Variants in CDC25C observed in about 807,000 individuals in gnomAD.
CDC25C encodes the protein cell division cycle 25C.
Under a neutral mutation model 52.5 loss-of-function variants are expected in CDC25C, and 48 were observed. The ratio of observed to expected loss-of-function variants is 0.91; its 90% CI spans 0.72 to 1.16. The LOEUF (loss-of-function observed/expected upper bound fraction) is 1.16, where lower values mean the gene tolerates loss of function less well. Ranked by LOEUF, CDC25C falls within the 50% of genes most tolerant of loss-of-function variation. The pLI is 0.00. For synonymous variants in CDC25C, 187 were observed against 206.5 expected (o/e 0.91, Z 0.81); for missense variants, 510 against 566.1 (o/e 0.90, Z 1.01).
chr5:138,292,480 CAAAAAAA>C (rs70982703), intron 7 of CDC25C, among the ~76,000 whole-genome samples: 1 of 63,524 alleles, frequency 1.6e-5, no homozygotes, highest in Admixed American at 2.0e-4. Flanking sequence ...GTTATGTGAC[CAAAAAAA>C]AAAAAAAAAA....
Position 138,285,450 on chromosome 5 carries a change from C to A in CDC25C, c.*242G>T. ...AAAAGGAATGCCAGAGTTCCCTGAA[C>A]CAATACAAATCTCTATGCAACTCAA... On this transcript the variant is annotated 3_prime_UTR_variant, in exon 14 of 14. Coordinates refer to ENST00000323760, the MANE Select transcript of CDC25C (RefSeq NM_001790.5). 2 of 490,746 alleles carry A rather than the reference C, an allele frequency of 4.1e-6. No homozygotes were observed. The highest frequency in any genetic ancestry group is 3.6e-6 in the Non-Finnish European group (1 of 275,292). 30.4% of individuals were successfully genotyped at this position (490,746 alleles called of 1,614,324 possible).
At chr5:138,297,702 T>C (rs139547420) in intron 7 of CDC25C, among the ~76,000 whole-genome samples, 70 of 152,256 alleles carry the variant, frequency 4.6e-4, no homozygotes, top group African/African-American at 1.6e-3. Flanking sequence ...CTAGGTGACA[T>C]AGCAATGAAC....
At chr5:138,310,555 T>G (rs1414928196) in intron 7 of CDC25C, among the ~76,000 whole-genome samples, 1 of 152,220 alleles carries the variant, frequency 6.6e-6, no homozygotes. Context: ...AATTAAGCAC[T>G]TACACTACAC....
At chr5:138,338,182 C>T in exon 1 of CDC25C, 2 of 1,288,796 alleles carry the variant, frequency 1.6e-6, no homozygotes, top group African/African-American at 1.5e-5. Flanking sequence ...TTCTGCGAGC[C>T]GGAGCTGTCC....
At position 138,325,869 on chromosome 5, in the gene CDC25C, G is replaced by A. The variant is rs1163169717; in HGVS notation, c.405C>T (p.Asp135=). Reference sequence around the variant, plus strand: ...TTGCATCTCTCTTTCTATGGCCACGGTCCAAACCATTCGGAGTGCTACAAA... The same window carrying A: ...TTGCATCTCTCTTTCTATGGCCACGATCCAAACCATTCGGAGTGCTACAAA... ...QLLCSTPNGL[D]RGHRKRDAMC... is the part of the protein sequence containing the mutation. Residue 135 remains aspartate, a synonymous_variant, in exon 6 of 14, where the codon GAC becomes GAT. Coordinates refer to ENST00000323760, the MANE Select transcript of CDC25C (RefSeq NM_001790.5). 2 of 1,614,070 alleles carry A rather than the reference G, an allele frequency of 1.2e-6. No homozygotes were observed. The highest frequency in any genetic ancestry group is 4.5e-5 in the East Asian group (2 of 44,890).
intron 7 of CDC25C, among the ~76,000 whole-genome samples, chr5:138,297,388 C>A (rs187161152): frequency 3.4e-4 from 52 of 152,150 alleles, no homozygotes; most frequent in African/African-American, 1.3e-3. Flanking sequence ...TACAGGCAGC[C>A]CCTACACTAG....
chr5:138,300,771 G>C (rs1757572317), intron 7 of CDC25C, among the ~76,000 whole-genome samples: 1 of 151,914 alleles, frequency 6.6e-6, no homozygotes, highest in East Asian at 1.9e-4. Context: ...GCACCTAAAA[G>C]GATTTAAGTC....
intron 4 of CDC25C, among the ~76,000 whole-genome samples, chr5:138,327,985 A>G (rs935452243): frequency 7.2e-5 from 11 of 151,826 alleles, no homozygotes; most frequent in African/African-American, 2.4e-4. Flanking sequence ...TCCTACCTCA[A>G]CCTCCGAAGT....
intron 6 of CDC25C, among the ~76,000 whole-genome samples, chr5:138,324,898 G>A (rs953859340): frequency 1.3e-5 from 2 of 151,912 alleles, no homozygotes; most frequent in African/African-American, 2.4e-5. Flanking sequence ...ACAAAACCCC[G>A]TCTCTACTAA....
intron 7 of CDC25C, among the ~76,000 whole-genome samples, chr5:138,298,051 T>C (rs755458926): frequency 9.3e-5 from 14 of 150,662 alleles, no homozygotes; most frequent in Admixed American, 6.0e-4. Flanking sequence ...CAGGCTGGAG[T>C]GCAGTGGCAT....
At position 138,326,352 on chromosome 5, in the gene CDC25C, A is replaced by AT. The variant is rs944308316; in HGVS notation, c.336-299dup. ...TTTCCAGCACAGTGTATTGGGGCTA[A>AT]TTTTTTTTTTTTGAGACGGAATCTG... On this transcript the variant is annotated intron_variant, in intron 4 of 13. Coordinates refer to ENST00000323760, the MANE Select transcript of CDC25C (RefSeq NM_001790.5). Among the ~76,000 whole-genome samples, 156 of 147,268 alleles carry AT rather than the reference A, an allele frequency of 1.1e-3. 1 individual carries two copies. Among genetic ancestry groups the AT allele is most frequent in the Non-Finnish European group, 1.2e-3 (80 of 66,338 alleles).
At chr5:138,287,334 C>G (rs1045451088) in intron 10 of CDC25C, 67 bp from the exon 11 acceptor site, 11 of 1,091,204 alleles carry the variant, frequency 1.0e-5, no homozygotes, top group Non-Finnish European at 1.4e-5. Context: ...GTCAATGACA[C>G]AGTTCCTTAC....
At position 138,289,555 on chromosome 5, in the gene CDC25C, C is replaced by T. The variant is rs1308164686; in HGVS notation, c.873G>A (p.Ala291=). The T allele has an allele frequency of 1.1e-5, 17 of 1,612,744 alleles. No individual in the cohort carries two copies. Among genetic ancestry groups the T allele is most frequent in the African/African-American group, 1.3e-5 (1 of 74,872 alleles). Residue 291 remains alanine, a synonymous_variant, in exon 10 of 14, where the codon GCG becomes GCA. Coordinates refer to ENST00000323760, the MANE Select transcript of CDC25C (RefSeq NM_001790.5). ...GGTGTTTCCCTGACACGGTTGGCAG[C>T]GCACATACCTAGAAATACACAAGAG... The part of the protein sequence containing the change: ...HLIGDFSKVC[A]LPTVSGKHQD...
chr5:138,287,446 C>T (rs1447418350), intron 10 of CDC25C, among the ~76,000 whole-genome samples, 179 bp from the exon 11 acceptor site: 3 of 152,160 alleles, frequency 2.0e-5, no homozygotes, highest in Middle Eastern at 3.2e-3. Flanking sequence ...GAGAATGAAA[C>T]AGGAAGTGGC....
intron 7 of CDC25C, among the ~76,000 whole-genome samples, chr5:138,309,552 C>T (rs897109399): frequency 5.9e-5 from 9 of 151,666 alleles, no homozygotes; most frequent in Admixed American, 2.0e-4. Flanking sequence ...AGCAAAACTC[C>T]GTCTCAAAAT....
At chr5:138,328,069 G>T (rs1316341862) in intron 4 of CDC25C, among the ~76,000 whole-genome samples, 2 of 152,180 alleles carry the variant, frequency 1.3e-5, no homozygotes, top group African/African-American at 4.8e-5. Context: ...GTTTCACCAT[G>T]TTGGGCAGGC....
At chr5:138,324,826 T>C (rs1010449523) in intron 6 of CDC25C, among the ~76,000 whole-genome samples, 4 of 151,942 alleles carry the variant, frequency 2.6e-5, no homozygotes, top group African/African-American at 9.7e-5. Flanking sequence ...CTCAGCCCTT[T>C]GAGAGGCCGA....
intron 6 of CDC25C, among the ~76,000 whole-genome samples, chr5:138,321,011 T>C (rs1427495962): frequency 7.0e-6 from 1 of 142,254 alleles, no homozygotes; most frequent in Non-Finnish European, 1.5e-5. Flanking sequence ...GGGAGAATAA[T>C]CAGAGCCCGG....
intron 7 of CDC25C, among the ~76,000 whole-genome samples, chr5:138,317,692 A>AC (rs1188607084): frequency 9.3e-5 from 14 of 150,500 alleles, no homozygotes; most frequent in East Asian, 7.8e-4. Flanking sequence ...TAAAAAAAAA[A>AC]AAAAAAAAAA....
Sources: allele counts gnomAD v4.1 joint callset (sites outside exome capture counted in the v4.1 genomes callset), GRCh38; gene constraint gnomAD v4.1.1; transcripts MANE v1.5; gene names NCBI Gene and HGNC (gene_info 2026-07-23, HGNC 2026-07-21).